Variants in CHST11 observed in about 807,000 individuals in gnomAD.
CHST11 encodes C4S-1.
In CHST11, 9 loss-of-function variants were observed where a neutral mutation model predicts 30.4. The observed-to-expected ratio is 0.30, with a 90% CI of 0.18 to 0.52. The LOEUF is 0.52. CHST11 is among the 20% of genes least tolerant of loss of function. The pLI, the probability that CHST11 is intolerant of heterozygous loss-of-function variation, is 0.97. For missense variants in CHST11, 348 were observed against 460.6 expected, an observed-to-expected ratio of 0.76 and a Z score of 2.24; for synonymous variants, 152 against 187.8, an observed-to-expected ratio of 0.81 and a Z score of 1.56.
intron 1 of CHST11, among the ~76,000 whole-genome samples, chr12:104,506,358 T>C (rs891839719): frequency 6.6e-6 from 1 of 152,202 alleles, no homozygotes; most frequent in Non-Finnish European, 1.5e-5. Context: ...AGCCTCAGTT[T>C]CCTCATATCT....
At chr12:104,491,154 C>G (rs953251467) in intron 1 of CHST11, among the ~76,000 whole-genome samples, 4 of 152,110 alleles carry the variant, frequency 2.6e-5, no homozygotes, top group African/African-American at 9.7e-5. Context: ...CTACAAGTAT[C>G]CTCTCACTGT....
intron 1 of CHST11, among the ~76,000 whole-genome samples, chr12:104,484,198 A>G (rs2037655205): frequency 6.6e-6 from 1 of 152,164 alleles, no homozygotes; most frequent in Non-Finnish European, 1.5e-5. Context: ...TCAGTGGGTC[A>G]TTGCCAAGGA....
intron 2 of CHST11, among the ~76,000 whole-genome samples, chr12:104,697,759 G>C (rs1018251053): frequency 9.2e-5 from 14 of 152,192 alleles, no homozygotes; most frequent in Non-Finnish European, 1.9e-4. Flanking sequence ...CCATGAAAAG[G>C]AATGCTTTGT....
intron 2 of CHST11, among the ~76,000 whole-genome samples, chr12:104,622,223 A>G (rs541945392): frequency 1.5e-3 from 223 of 152,372 alleles, no homozygotes; most frequent in Non-Finnish European, 2.4e-3. Context: ...ATCCTTGTAC[A>G]TATTCATAAG....
In CHST11 at chr12:104,761,485, A is replaced by G; in HGVS notation, c.*3682A>G. 6.5e-6 allele frequency: 1 copy of G among 153,798 alleles called. No homozygotes were observed. Among genetic ancestry groups the G allele is most frequent in the Non-Finnish European group, 1.4e-5 (1 of 69,450 alleles). 9.5% of individuals were successfully genotyped at this position (153,798 alleles called of 1,614,324 possible). On this transcript the variant is annotated 3_prime_UTR_variant, in exon 3 of 3. Transcript: ENST00000303694. ...CCCCTACACACACACACACACACACACACACACACACACACAATCTCAGCT... is the reference window on the plus strand; with the variant it reads ...CCCCTACACACACACACACACACACGCACACACACACACACAATCTCAGCT...
intron 1 of CHST11, among the ~76,000 whole-genome samples, chr12:104,548,523 T>G (rs1170720967): frequency 6.6e-6 from 1 of 152,120 alleles, no homozygotes; most frequent in African/African-American, 2.4e-5. Flanking sequence ...GGAAGAAAAT[T>G]TATTATTAAA....
intron 1 of CHST11, among the ~76,000 whole-genome samples, chr12:104,538,131 T>G (rs1258364222): frequency 6.6e-6 from 1 of 152,250 alleles, no homozygotes; most frequent in Non-Finnish European, 1.5e-5. Context: ...CAGAATTCCA[T>G]GCAAGAGATC....
At chr12:104,605,398 C>T (rs1003718660) in intron 2 of CHST11, among the ~76,000 whole-genome samples, 10 of 152,152 alleles carry the variant, frequency 6.6e-5, no homozygotes, top group African/African-American at 2.4e-4. Flanking sequence ...GCTAACACGG[C>T]GAAACCCCGC....
At chr12:104,462,394 T>C (rs73382373) in intron 1 of CHST11, among the ~76,000 whole-genome samples, 10,694 of 152,008 alleles carry the variant, frequency 0.07, 890 homozygotes, top group African/African-American at 0.21. Flanking sequence ...TAATAAGTAT[T>C]TTAGACAAAT....
chr12:104,664,358 T>C (rs1475612052), intron 2 of CHST11, among the ~76,000 whole-genome samples: 1 of 152,220 alleles, frequency 6.6e-6, no homozygotes, highest in Non-Finnish European at 1.5e-5. Flanking sequence ...CTAAGTGTGG[T>C]CTTCTTAGGT....
chr12:104,493,088 C>T (rs2037764690), intron 1 of CHST11, among the ~76,000 whole-genome samples: 1 of 151,806 alleles, frequency 6.6e-6, no homozygotes, highest in South Asian at 2.1e-4. Flanking sequence ...AAATGAAATG[C>T]ACACTTACCT....
rs758973189 is a variant in CHST11, at chr12:104,757,119, G to A, written c.375G>A (p.Lys125=). The part of the protein sequence containing the change: ...DHELIYCYVP[K]VACTNWKRLM... ...AGCTCATCTACTGCTACGTGCCCAA[G>A]GTGGCCTGCACCAACTGGAAGCGGC... Residue 125 remains lysine (K), a synonymous_variant, in exon 3 of 3, where the codon AAG becomes AAA. Transcript: ENST00000303694. The surrounding 1 kb of genome is among the most constrained non-coding windows in gnomAD (Gnocchi z 6.5). The A allele has an allele frequency of 1.2e-6, 2 of 1,613,952 alleles. No homozygotes were observed. Among genetic ancestry groups the A allele is most frequent in the East Asian group, 2.2e-5 (1 of 44,872 alleles).
At chr12:104,559,427 T>C (rs2038491248) in intron 1 of CHST11, among the ~76,000 whole-genome samples, 2 of 152,196 alleles carry the variant, frequency 1.3e-5, no homozygotes, top group South Asian at 4.1e-4. Context: ...GCCTCCATTC[T>C]GGTGGGGAAG....
chr12:104,609,781 T>C (rs2136052356), intron 2 of CHST11, among the ~76,000 whole-genome samples: 1 of 152,270 alleles, frequency 6.6e-6, no homozygotes, highest in African/African-American at 2.4e-5. Context: ...AGCCATTCAT[T>C]TTCTGGATGG....
chr12:104,670,540 T>TAC (rs767267998), intron 2 of CHST11, among the ~76,000 whole-genome samples: 1 of 145,836 alleles, frequency 6.9e-6, no homozygotes, highest in East Asian at 2.0e-4. Flanking sequence ...CACTCACACT[T>TAC]ACACACACAC....
At chr12:104,720,187 G>A (rs1023945793) in intron 2 of CHST11, among the ~76,000 whole-genome samples, 9 of 152,236 alleles carry the variant, frequency 5.9e-5, no homozygotes, top group African/African-American at 9.6e-5. Context: ...ACAGCTCCCC[G>A]ACTCTGGCAT....
At chr12:104,592,099 C>CCCCTA (rs1432663686) in intron 1 of CHST11, among the ~76,000 whole-genome samples, 4 of 147,798 alleles carry the variant, frequency 2.7e-5, no homozygotes. Flanking sequence ...CCCCTCCCCT[C>CCCCTA]CCCTCTTCTC....
chr12:104,468,402 G>A (rs2037478362), intron 1 of CHST11, among the ~76,000 whole-genome samples: 2 of 152,206 alleles, frequency 1.3e-5, no homozygotes, highest in African/African-American at 4.8e-5. Context: ...GGGGGAAACT[G>A]AAGCATAGAG....
At position 104,606,657 on chromosome 12, in the gene CHST11, C is replaced by T. The variant is rs556286308; in HGVS notation, c.204+4666C>T. Among the ~76,000 whole-genome samples the T allele has an allele frequency of 4.3e-4, 66 of 152,280 alleles. 3 individuals are homozygous for T. In the South Asian group the frequency reaches 0.013, roughly 31 times the overall value. On this transcript the variant is annotated intron_variant, in intron 2 of 2. Coordinates refer to ENST00000303694, the MANE Select transcript of CHST11 (RefSeq NM_018413.6). ...TTTTTCCCGGGTGAAAACATGCTTC[C>T]TTGAGATTCTCTTTCCCAGTGACTC... is the stretch of plus-strand genomic sequence containing the variant.
Sources: allele counts gnomAD v4.1 joint callset (sites outside exome capture counted in the v4.1 genomes callset), GRCh38; gene constraint gnomAD v4.1.1; non-coding constraint Gnocchi (gnomAD v3.1); transcripts MANE v1.5; gene names NCBI Gene and HGNC (gene_info 2026-07-23, HGNC 2026-07-21).